Variants in NAV3 observed in about 807,000 individuals in gnomAD.
NAV3 encodes neuron navigator 3, also known as pore membrane and/or filament interacting like protein 1.
NAV3 carries 87 observed loss-of-function variants against 244.7 expected under a neutral mutation model. The observed-to-expected ratio is 0.36, with a 90% confidence interval of 0.30 to 0.42. The LOEUF (loss-of-function observed/expected upper bound fraction) is 0.42, where lower values mean the gene tolerates loss of function less well. Ranked by LOEUF, NAV3 falls within the 20% of genes least tolerant of loss-of-function variation. The probability of loss-of-function intolerance (pLI) is 1.00; values close to 1 mark genes in which losing one functional copy is unlikely to be tolerated. For missense variants in NAV3, 2,663 were observed against 2,893.3 expected, an observed-to-expected ratio of 0.92 and a Z score of 1.83; for synonymous variants, 1,126 against 1,042.2, an observed-to-expected ratio of 1.08 and a Z score of -1.55.
At chr12:77,891,394 CT>C (rs1414268369) in intron 1 of NAV3, among the ~76,000 whole-genome samples, 1 of 151,544 alleles carries the variant, frequency 6.6e-6, no homozygotes, top group Non-Finnish European at 1.5e-5. Context: ...TGGTGAGCAT[CT>C]TTTTCATATT....
chr12:77,913,066 A>G (rs892482918), intron 1 of NAV3, among the ~76,000 whole-genome samples: 8 of 152,028 alleles, frequency 5.3e-5, no homozygotes, highest in Non-Finnish European at 1.0e-4. Flanking sequence ...TCCAAAGTCA[A>G]CTTGTGACAT....
chr12:77,901,712 A>G (rs1156672193), intron 1 of NAV3, among the ~76,000 whole-genome samples: 2 of 152,156 alleles, frequency 1.3e-5, no homozygotes, highest in East Asian at 1.9e-4. Context: ...TTTCAAAAAA[A>G]GAAAAAAAGA....
At chr12:77,806,130 T>C (rs766563683) in intron 2 of NAV3, among the ~76,000 whole-genome samples, 2 of 152,186 alleles carry the variant, frequency 1.3e-5, no homozygotes, top group Admixed American at 1.3e-4. Flanking sequence ...CCTGGGTTCA[T>C]TGATTTTTTG....
At chr12:77,666,178 AG>A (rs1873706236) in intron 2 of NAV3, among the ~76,000 whole-genome samples, 3 of 137,964 alleles carry the variant, frequency 2.2e-5, no homozygotes, top group African/African-American at 5.5e-5. Context: ...ACATGTTTAC[AG>A]TTTTTTTTTT....
chr12:78,028,143 A>T (rs1452484018), intron 9 of NAV3, among the ~76,000 whole-genome samples: 1 of 152,162 alleles, frequency 6.6e-6, no homozygotes, highest in Admixed American at 6.6e-5. Flanking sequence ...AGAATTAATG[A>T]AAAACAGAAA....
At chr12:77,594,105 A>C (rs1047886470) in intron 2 of NAV3, among the ~76,000 whole-genome samples, 2 of 152,192 alleles carry the variant, frequency 1.3e-5, no homozygotes, top group Non-Finnish European at 2.9e-5. Flanking sequence ...TTGTAACAAC[A>C]ACAAAAAACC....
At chr12:77,833,582 C>T (rs759395156) in intron 1 of NAV3, among the ~76,000 whole-genome samples, 2 of 152,066 alleles carry the variant, frequency 1.3e-5, no homozygotes, top group Non-Finnish European at 2.9e-5. Context: ...CTCCAGTGGG[C>T]GTGTGTTACA....
intron 2 of NAV3, among the ~76,000 whole-genome samples, chr12:77,620,848 A>T (rs1288461570): frequency 6.6e-6 from 1 of 152,230 alleles, no homozygotes; most frequent in South Asian, 2.1e-4. Flanking sequence ...TATACAAAAA[A>T]GTTAAATGCG....
chr12:78,169,706 G>A (rs1216587406), intron 24 of NAV3, among the ~76,000 whole-genome samples: 1 of 151,622 alleles, frequency 6.6e-6, no homozygotes. Context: ...CTGGAGTGTA[G>A]CTCCTTTTCC....
intron 9 of NAV3, among the ~76,000 whole-genome samples, chr12:78,038,651 A>G (rs1210172894): frequency 1.3e-5 from 2 of 152,218 alleles, no homozygotes; most frequent in Admixed American, 6.5e-5. Context: ...CTTTTGCACC[A>G]TTGTGTGATT....
chr12:77,665,468 C>T (rs1174547997), intron 2 of NAV3, among the ~76,000 whole-genome samples: 2 of 151,844 alleles, frequency 1.3e-5, no homozygotes, highest in Non-Finnish European at 1.5e-5. Flanking sequence ...TTATGCTTTC[C>T]AAAAAATATT....
intron 1 of NAV3, among the ~76,000 whole-genome samples, chr12:77,832,436 G>A (rs976475404): frequency 6.6e-6 from 1 of 152,106 alleles, no homozygotes; most frequent in Admixed American, 6.6e-5. Context: ...TTTGTACCTT[G>A]ATAAGCGTCA....
At chr12:77,697,336 G>T (rs1160717722) in intron 2 of NAV3, among the ~76,000 whole-genome samples, 1 of 152,104 alleles carries the variant, frequency 6.6e-6, no homozygotes, top group Non-Finnish European at 1.5e-5. Context: ...GGTCAAAATG[G>T]CTTCAACTAA....
intron 2 of NAV3, among the ~76,000 whole-genome samples, chr12:77,807,251 A>G (rs1482477920): frequency 6.6e-6 from 1 of 152,172 alleles, no homozygotes; most frequent in East Asian, 1.9e-4. Context: ...CAATTAGTTG[A>G]TGCAGTTTCT....
At chr12:78,011,449 GA>G (rs1407294806) in intron 8 of NAV3, among the ~76,000 whole-genome samples, 2 of 151,896 alleles carry the variant, frequency 1.3e-5, no homozygotes, top group Non-Finnish European at 1.5e-5. Context: ...AATTAATGTA[GA>G]AAAAAAGAGG....
intron 2 of NAV3, among the ~76,000 whole-genome samples, chr12:77,725,212 T>G (rs1876822393): frequency 6.6e-6 from 1 of 152,004 alleles, no homozygotes; most frequent in African/African-American, 2.4e-5. Context: ...TCACTGCTTA[T>G]TTTTATGACT....
chr12:77,754,379 C>T (rs11106545), intron 2 of NAV3, among the ~76,000 whole-genome samples: 7,354 of 152,144 alleles, frequency 0.048, 603 homozygotes, highest in African/African-American at 0.17. Context: ...TCCAAAGTCC[C>T]CTTCAAGCTA....
chr12:77,932,378 G>T (rs1033245048), intron 1 of NAV3, among the ~76,000 whole-genome samples: 3 of 151,996 alleles, frequency 2.0e-5, no homozygotes, highest in Admixed American at 1.3e-4. Flanking sequence ...CCATTCTGGG[G>T]GTCTGTGGGA....
chr12:77,587,329 A>T (rs1029409566), intron 2 of NAV3, among the ~76,000 whole-genome samples: 2 of 152,214 alleles, frequency 1.3e-5, no homozygotes, highest in Non-Finnish European at 2.9e-5. Flanking sequence ...AAAAGAAACC[A>T]TAAAATACTT....
Sources: allele counts gnomAD v4.1 joint callset (sites outside exome capture counted in the v4.1 genomes callset), GRCh38; gene constraint gnomAD v4.1.1; transcripts MANE v1.5; gene names NCBI Gene and HGNC (gene_info 2026-07-23, HGNC 2026-07-21).